QTMAN: variants seen among roughly 807,000 people sequenced by gnomAD.
The protein encoded by QTMAN is queuosine-tRNA mannosyltransferase.
chr2:144,303,912 A>C, the QTMAN span, among the ~76,000 whole-genome samples: 3 of 152,244 alleles, frequency 2.0e-5, no homozygotes, highest in Non-Finnish European at 4.4e-5. Flanking sequence ...GGTTCAGCTG[A>C]ATCGCGGGAA....
chr2:144,079,208 T>C, the QTMAN span, among the ~76,000 whole-genome samples: 1 of 152,106 alleles, frequency 6.6e-6, no homozygotes, highest in Middle Eastern at 3.2e-3. Context: ...GGCAAGCACA[T>C]AGTGCAGTTC....
the QTMAN span, among the ~76,000 whole-genome samples, chr2:144,273,951 T>A: frequency 6.6e-6 from 1 of 152,064 alleles, no homozygotes; most frequent in Non-Finnish European, 1.5e-5. Context: ...CTGGCCAACA[T>A]GGTGAAACCC....
At chr2:144,133,889 G>A in the QTMAN span, among the ~76,000 whole-genome samples, 1 of 151,900 alleles carries the variant, frequency 6.6e-6, no homozygotes, top group Non-Finnish European at 1.5e-5. Flanking sequence ...TTCTACTTTA[G>A]CTTCAGATTA....
At chr2:144,243,587 C>A in the QTMAN span, among the ~76,000 whole-genome samples, 1 of 152,138 alleles carries the variant, frequency 6.6e-6, no homozygotes, top group African/African-American at 2.4e-5. Flanking sequence ...CTGTTAGAAA[C>A]GACTTGAAAG....
the QTMAN span, among the ~76,000 whole-genome samples, chr2:144,017,737 T>A: frequency 6.6e-6 from 1 of 152,194 alleles, no homozygotes; most frequent in Non-Finnish European, 1.5e-5. Flanking sequence ...ATTTTTTATA[T>A]TGATAATAGT....
the QTMAN span, among the ~76,000 whole-genome samples, chr2:144,133,237 TTA>T: frequency 1.7e-5 from 1 of 58,878 alleles, no homozygotes; most frequent in Non-Finnish European, 2.8e-5. Context: ...ATATTTATAT[TTA>T]TATATAAATA....
chr2:144,261,666 G>T, the QTMAN span, among the ~76,000 whole-genome samples: 1 of 152,034 alleles, frequency 6.6e-6, no homozygotes. Context: ...AAGTTCTCAG[G>T]GAGACGACTC....
the QTMAN span, chr2:144,006,816 T>A: frequency 6.0e-6 from 1 of 166,386 alleles, no homozygotes; most frequent in Admixed American, 6.3e-5. Context: ...GTAATATTGC[T>A]GTATCAGTGT....
At chr2:144,203,550 T>C in the QTMAN span, among the ~76,000 whole-genome samples, 1 of 152,006 alleles carries the variant, frequency 6.6e-6, no homozygotes, top group East Asian at 1.9e-4. Context: ...GCGAAGCTAG[T>C]AGGCTGAATG....
the QTMAN span, among the ~76,000 whole-genome samples, chr2:144,306,197 G>A: frequency 2.0e-5 from 3 of 152,052 alleles, no homozygotes; most frequent in African/African-American, 7.2e-5. Context: ...TATTCTTAGA[G>A]TATTTTATCA....
the QTMAN span, among the ~76,000 whole-genome samples, chr2:144,021,559 T>C: frequency 6.6e-6 from 1 of 152,018 alleles, no homozygotes; most frequent in East Asian, 1.9e-4. Context: ...TCCAGGAAGG[T>C]AGCATCCAAG....
At chr2:144,134,089 G>A in the QTMAN span, among the ~76,000 whole-genome samples, 3 of 152,130 alleles carry the variant, frequency 2.0e-5, no homozygotes, top group African/African-American at 4.8e-5. Context: ...AAAGTTTTCC[G>A]TGGGGAGCCA....
chr2:144,240,699 G>A, the QTMAN span, among the ~76,000 whole-genome samples: 1 of 152,190 alleles, frequency 6.6e-6, no homozygotes, highest in African/African-American at 2.4e-5. Flanking sequence ...AGGATACACT[G>A]AGGGTGAAGA....
At chr2:144,323,807 C>T in the QTMAN span, among the ~76,000 whole-genome samples, 1 of 152,152 alleles carries the variant, frequency 6.6e-6, no homozygotes, top group Non-Finnish European at 1.5e-5. Flanking sequence ...TGAGCACTTA[C>T]ATGTATTATC....
At chr2:143,972,974 A>G in the QTMAN span, among the ~76,000 whole-genome samples, 1 of 152,362 alleles carries the variant, frequency 6.6e-6, no homozygotes, top group South Asian at 2.1e-4. Context: ...TAAAAACAGA[A>G]GCAAACGAAT....
chr2:144,030,212 C>T, the QTMAN span, among the ~76,000 whole-genome samples: 4,710 of 152,200 alleles, frequency 0.031, 192 homozygotes, highest in East Asian at 0.18. Context: ...CTCCTAATTC[C>T]ACCCTACCCC....
At chr2:143,996,603 T>C in the QTMAN span, among the ~76,000 whole-genome samples, 2 of 152,104 alleles carry the variant, frequency 1.3e-5, no homozygotes, top group African/African-American at 4.8e-5. Flanking sequence ...CGTCTAATTT[T>C]AGACTGGAAA....
chr2:144,307,413 G>A, the QTMAN span, among the ~76,000 whole-genome samples: 613 of 152,198 alleles, frequency 4.0e-3, 2 homozygotes, highest in Non-Finnish European at 6.5e-3. Flanking sequence ...AACAAGGCAA[G>A]GATGTTCACT....
the QTMAN span, among the ~76,000 whole-genome samples, chr2:144,041,042 T>C: frequency 6.6e-6 from 1 of 152,242 alleles, no homozygotes; most frequent in African/African-American, 2.4e-5. Context: ...CATTCATTCA[T>C]TCACTCACTA....
Sources: allele counts gnomAD v4.1 joint callset (sites outside exome capture counted in the v4.1 genomes callset), GRCh38; gene constraint gnomAD v4.1.1; transcripts MANE v1.5; gene names NCBI Gene and HGNC (gene_info 2026-07-23, HGNC 2026-07-21).